DLGAP2: variants seen among roughly 807,000 people sequenced by gnomAD.
The protein encoded by DLGAP2 is DLG associated protein 2.
A neutral mutation model predicts 100.3 loss-of-function variants in DLGAP2; 26 were observed. That is an observed-to-expected ratio of 0.26 (90% CI 0.19 to 0.36). The LOEUF is 0.36. DLGAP2 is among the 10% of genes least tolerant of loss of function. The probability of loss-of-function intolerance (pLI) is 1.00; values close to 1 mark genes in which losing one functional copy is unlikely to be tolerated. For missense variants in DLGAP2, 1,858 were observed against 1,453.2 expected, an observed-to-expected ratio of 1.28 and a Z score of -4.53; for synonymous variants, 886 against 630.1, an observed-to-expected ratio of 1.41 and a Z score of -6.08.
At chr8:1,217,182 C>T (rs1261335179) in intron 2 of DLGAP2, among the ~76,000 whole-genome samples, 2 of 152,144 alleles carry the variant, frequency 1.3e-5, no homozygotes, top group East Asian at 1.9e-4. Flanking sequence ...CAGTGTTTAG[C>T]TCTCAATTAT....
intron 2 of DLGAP2, among the ~76,000 whole-genome samples, chr8:1,240,049 C>T (rs1186435299): frequency 1.3e-5 from 2 of 151,714 alleles, no homozygotes; most frequent in Admixed American, 6.6e-5. Context: ...AGTTCTCTCA[C>T]ATGGCGCCGT....
At chr8:791,141 C>T (rs563727641) in intron 1 of DLGAP2, among the ~76,000 whole-genome samples, 12 of 152,292 alleles carry the variant, frequency 7.9e-5, no homozygotes, top group African/African-American at 2.9e-4. Context: ...AAAAATAATG[C>T]AAGCACATTG....
chr8:1,269,445 T>C (rs1289783920), intron 3 of DLGAP2, among the ~76,000 whole-genome samples: 1 of 152,208 alleles, frequency 6.6e-6, no homozygotes, highest in Non-Finnish European at 1.5e-5. Context: ...TAACACTTGC[T>C]CCAGGGCTTG....
intron 1 of DLGAP2, among the ~76,000 whole-genome samples, chr8:761,518 C>A (rs75381211): frequency 0.012 from 1,858 of 152,332 alleles, 31 homozygotes; most frequent in African/African-American, 0.043. Context: ...AAACAAAAAT[C>A]TGTGGATTTT....
intron 1 of DLGAP2, among the ~76,000 whole-genome samples, chr8:871,736 C>T (rs1010946945): frequency 1.3e-5 from 2 of 152,090 alleles, no homozygotes; most frequent in African/African-American, 4.8e-5. Context: ...ACTTCTGGTC[C>T]CACGCATTTT....
chr8:1,373,474 G>C (rs1199043274), intron 3 of DLGAP2, among the ~76,000 whole-genome samples: 1 of 152,184 alleles, frequency 6.6e-6, no homozygotes, highest in Non-Finnish European at 1.5e-5. Context: ...CCGAATCCGG[G>C]ATCAGGTTTG....
intron 2 of DLGAP2, among the ~76,000 whole-genome samples, chr8:1,102,722 G>T (rs951179818): frequency 6.6e-6 from 1 of 152,110 alleles, no homozygotes; most frequent in Non-Finnish European, 1.5e-5. Flanking sequence ...GCACCTTTGC[G>T]TCTGCACTCA....
intron 2 of DLGAP2, among the ~76,000 whole-genome samples, chr8:1,059,267 C>G (rs1213575262): frequency 6.6e-6 from 1 of 152,080 alleles, no homozygotes; most frequent in African/African-American, 2.4e-5. Flanking sequence ...GGGGTCCCAG[C>G]ATACTCCATC....
At chr8:1,620,502 C>G (rs1435491728) in intron 6 of DLGAP2, 1 of 152,348 alleles carries the variant, frequency 6.6e-6, no homozygotes, top group Non-Finnish European at 1.5e-5. Context: ...TCACAGACTT[C>G]TTGGAAGTGC....
At chr8:1,065,996 G>A (rs1389984344) in intron 2 of DLGAP2, among the ~76,000 whole-genome samples, 4 of 152,230 alleles carry the variant, frequency 2.6e-5, no homozygotes, top group East Asian at 1.9e-4. Context: ...GCGTGGCCAC[G>A]TCGTGGTGGT....
chr8:1,696,404 C>T (rs1799399193), intron 13 of DLGAP2, among the ~76,000 whole-genome samples: 2 of 152,118 alleles, frequency 1.3e-5, no homozygotes, highest in Admixed American at 6.5e-5. Flanking sequence ...GGAGGCTGAG[C>T]AGGCAGGATC....
intron 3 of DLGAP2, among the ~76,000 whole-genome samples, chr8:1,479,392 G>T (rs1246074883): frequency 6.6e-6 from 1 of 152,188 alleles, no homozygotes; most frequent in Non-Finnish European, 1.5e-5. Flanking sequence ...TTTTGCATAG[G>T]AAGCATTGTC....
At chr8:1,212,769 G>A (rs73670677) in intron 2 of DLGAP2, among the ~76,000 whole-genome samples, 19,346 of 95,726 alleles carry the variant, frequency 0.2, 2,604 homozygotes, top group African/African-American at 0.42. Context: ...CTTCCCCCCC[G>A]CCCACCCCCC....
At chr8:1,009,123 C>T (rs905062834) in intron 2 of DLGAP2, among the ~76,000 whole-genome samples, 2 of 152,264 alleles carry the variant, frequency 1.3e-5, no homozygotes, top group Non-Finnish European at 1.5e-5. Context: ...TCCATGTGGC[C>T]GAGGGTGGTG....
intron 2 of DLGAP2, among the ~76,000 whole-genome samples, chr8:1,180,102 ATAAG>A (rs1451475806): frequency 6.6e-6 from 1 of 152,278 alleles, no homozygotes; most frequent in African/African-American, 2.4e-5. Flanking sequence ...CATTCAATAA[ATAAG>A]TAAAAATGGA....
rs1475712708 is a variant in DLGAP2 at position 1,472,434 on chromosome 8, C to G, written c.107-28932C>G. ...TCATTTTGTTTTTTAGTGAGAATGA[C>G]ATGGTCTGGTATACATATTTCCAGA... On this transcript the variant is annotated intron_variant, in intron 3 of 14. Transcript: ENST00000637795. Among the ~76,000 whole-genome samples the G allele has an allele frequency of 2.6e-5, 4 of 152,134 alleles. No homozygotes were observed. The East Asian group carries it at 7.7e-4, about 29-fold the overall frequency.
At chr8:818,617 G>T (rs1483186811) in intron 1 of DLGAP2, among the ~76,000 whole-genome samples, 2 of 152,204 alleles carry the variant, frequency 1.3e-5, no homozygotes, top group African/African-American at 4.8e-5. Context: ...GTACATCCGA[G>T]TGGGAGCTGC....
chr8:1,365,242 C>T (rs890708543), intron 3 of DLGAP2, among the ~76,000 whole-genome samples: 1 of 152,152 alleles, frequency 6.6e-6, no homozygotes, highest in Admixed American at 6.5e-5. Flanking sequence ...TCCTTAGGGA[C>T]CCCTCACTCT....
rs1285123308 is a variant in DLGAP2, at chr8:1,077,027, G to GC, written c.73+169068dup. Among the ~76,000 whole-genome samples, 117 of 136,192 alleles carry GC rather than the reference G, an allele frequency of 8.6e-4. 1 individual carries two copies. Among genetic ancestry groups the GC allele is most frequent in the Middle Eastern group, 4.3e-3 (1 of 230 alleles). The allele number at this position is 136,192 out of a possible 152,430, so 89.3% of individuals were successfully genotyped here. ...AGGGTGGAGGAGGAGTCTGTCCCGG[G>GC]CCCCCCCAAGACCAAGAGGGTGGAG... On this transcript the variant is annotated intron_variant, in intron 2 of 14. Coordinates refer to ENST00000637795, the MANE Select transcript of DLGAP2 (RefSeq NM_001346810.2).
Sources: gnomAD v4.1 joint callset for allele counts (sites outside exome capture counted in the v4.1 genomes callset) on GRCh38, gnomAD v4.1.1 for gene constraint, MANE v1.5 for transcripts, NCBI Gene and HGNC (gene_info 2026-07-23, HGNC 2026-07-21) for gene names.